Variants in ZNF277 observed in about 807,000 individuals in gnomAD.
ZNF277 encodes nuclear receptor-interacting factor 4.
ZNF277 carries 55 observed loss-of-function variants against 60.7 expected under a neutral mutation model. The observed-to-expected ratio is 0.91, with a 90% CI of 0.73 to 1.13. The LOEUF is 1.13. Ranked by LOEUF, ZNF277 falls within the 50% of genes most tolerant of loss-of-function variation. The probability of loss-of-function intolerance (pLI) is 0.00; values close to 1 mark genes in which losing one functional copy is unlikely to be tolerated. For synonymous variants in ZNF277, 178 were observed against 179.3 expected (o/e 0.99, Z 0.06); for missense variants, 510 against 523.0 (o/e 0.98, Z 0.24).
intron 1 of ZNF277, among the ~76,000 whole-genome samples, chr7:112,216,364 C>T (rs974932161): frequency 2.6e-5 from 4 of 152,128 alleles, no homozygotes; most frequent in Admixed American, 2.6e-4. Context: ...GGCTGGAGTG[C>T]AGTGGCATGA....
intron 1 of ZNF277, among the ~76,000 whole-genome samples, chr7:112,253,863 T>A (rs1012701300): frequency 6.6e-6 from 1 of 152,340 alleles, no homozygotes; most frequent in East Asian, 1.9e-4. Flanking sequence ...CAATGTGACT[T>A]TGCTTTATTT....
rs1299878472 is a variant in ZNF277, at chr7:112,290,160, AAC to A, written c.293+3090_293+3091del. ...TTCTTTTATTCCCTTTTATCATATA[AAC>A]ACAAATTTTCCTTCAGGAATTGCAG... On this transcript the variant is annotated intron_variant, in intron 2 of 11. Transcript: ENST00000361822. Among the ~76,000 whole-genome samples, 4 of 152,244 alleles carry A rather than the reference AAC, an allele frequency of 2.6e-5. No individual in the cohort carries two copies. The East Asian group carries it at 7.7e-4, about 29-fold the overall frequency.
chr7:112,235,289 G>A lies in ZNF277; in HGVS notation c.91+28482G>A, dbSNP rs541021645. Among the ~76,000 whole-genome samples the A allele has an allele frequency of 2.0e-5, 3 of 152,110 alleles. No homozygotes were observed. The Middle Eastern group carries it at 0.01, about 517-fold the overall frequency. ...TCACTTCTCTTGGATATATACCTAG[G>A]AGTAGAATTCCTATGGTCATATAGT... On this transcript the variant is annotated intron_variant, in intron 1 of 11. Coordinates refer to ENST00000361822, the MANE Select transcript of ZNF277 (RefSeq NM_021994.3).
Position 112,269,560 on chromosome 7 carries a change from A to G in ZNF277, c.92-17313A>G, listed in dbSNP as rs1791623733. On this transcript the variant is annotated intron_variant, in intron 1 of 11. Transcript: ENST00000361822. ...AACTTGAGGTAGAAACAGTTAAGAT[A>G]GCCAGTCATTTATCACAGTGGACAT... Among the ~76,000 whole-genome samples, 3 of 152,166 alleles carry G rather than the reference A, an allele frequency of 2.0e-5. No homozygotes were observed. In the South Asian group the frequency reaches 6.2e-4, roughly 31 times the overall value.
chr7:112,260,786 G>C (rs1262745463), intron 1 of ZNF277, among the ~76,000 whole-genome samples: 1 of 152,186 alleles, frequency 6.6e-6, no homozygotes, highest in East Asian at 1.9e-4. Flanking sequence ...GAGCACAGGT[G>C]ATAGAAATAG....
intron 2 of ZNF277, chr7:112,287,540 T>C (rs968814919): frequency 2.0e-5 from 3 of 151,944 alleles, no homozygotes; most frequent in African/African-American, 7.3e-5. Flanking sequence ...TTTTTTTTTT[T>C]TTTGAGATGG....
chr7:112,308,964 A>G lies in ZNF277; in HGVS notation c.466-9218A>G, dbSNP rs546988234. Among the ~76,000 whole-genome samples the G allele has an allele frequency of 1.6e-4, 24 of 152,186 alleles. No individual in the cohort carries two copies. In the South Asian group the frequency reaches 4.8e-3, roughly 30 times the overall value. On this transcript the variant is annotated intron_variant, in intron 4 of 11. Coordinates refer to ENST00000361822, the MANE Select transcript of ZNF277 (RefSeq NM_021994.3). ...TCTGGTAAAAAACTGGAGAGGACTT[A>G]GCAATATCTATTTGTTCAGATTCTT...
At chr7:112,261,568 G>A (rs138998237) in intron 1 of ZNF277, among the ~76,000 whole-genome samples, 195 of 151,834 alleles carry the variant, frequency 1.3e-3, no homozygotes, top group African/African-American at 4.4e-3. Context: ...CTCCTTTTTT[G>A]GTGTTAACTT....
intron 11 of ZNF277, among the ~76,000 whole-genome samples, chr7:112,342,220 A>T (rs1230675768): frequency 2.0e-5 from 3 of 152,116 alleles, no homozygotes; most frequent in African/African-American, 7.2e-5. Flanking sequence ...TCTACCCACT[A>T]CTGGGGTCAG....
chr7:112,314,961 G>C (rs182656711), intron 4 of ZNF277, among the ~76,000 whole-genome samples: 1 of 152,052 alleles, frequency 6.6e-6, no homozygotes, highest in Non-Finnish European at 1.5e-5. Flanking sequence ...GTGTAATTAC[G>C]TATTTGCAGA....
At chr7:112,267,758 GA>G (rs1280426613) in intron 1 of ZNF277, among the ~76,000 whole-genome samples, 2 of 152,090 alleles carry the variant, frequency 1.3e-5, no homozygotes, top group African/African-American at 4.8e-5. Context: ...GTCATGGAGG[GA>G]AAGAAAGTTT....
At chr7:112,302,980 AGTCT>A (rs1792512634) in intron 4 of ZNF277, among the ~76,000 whole-genome samples, 1 of 140,554 alleles carries the variant, frequency 7.1e-6, no homozygotes, top group South Asian at 2.2e-4. Context: ...ACAGAGTGTC[AGTCT>A]GTCACCCAGG....
chr7:112,335,906 G>A (rs1387379873), intron 7 of ZNF277, among the ~76,000 whole-genome samples, 198 bp from the exon 8 acceptor site: 1 of 152,130 alleles, frequency 6.6e-6, no homozygotes, highest in East Asian at 1.9e-4. Flanking sequence ...CTTTTGCACT[G>A]TCATTAAGTC....
At chr7:112,234,493 A>C (rs1423055375) in intron 1 of ZNF277, among the ~76,000 whole-genome samples, 1 of 152,124 alleles carries the variant, frequency 6.6e-6, no homozygotes, top group Non-Finnish European at 1.5e-5. Context: ...CATGACCTAA[A>C]TACCTCCCAA....
In ZNF277 at chr7:112,214,170, C is replaced by T. The variant is rs539402238; in HGVS notation, c.91+7363C>T. On this transcript the variant is annotated intron_variant, in intron 1 of 11. Transcript: ENST00000361822. ...GAATAGTGCTGCCCTTTACAATACA[C>T]ACTCATACACTTCCATCTGGAAAAA... 3.9e-5 allele frequency among the ~76,000 whole-genome samples: 6 copies of T among 152,292 alleles called. No individual in the cohort carries two copies. The East Asian group carries it at 9.6e-4, about 24-fold the overall frequency.
chr7:112,296,367 T>G, intron 4 of ZNF277, 56 bp downstream of exon 4: 1 of 823,224 alleles, frequency 1.2e-6, no homozygotes, highest in Non-Finnish European at 1.8e-6. Context: ...TAAATACATA[T>G]AAAATCATAT....
chr7:112,259,035 G>A (rs1020338744), intron 1 of ZNF277, among the ~76,000 whole-genome samples: 10 of 151,832 alleles, frequency 6.6e-5, no homozygotes, highest in African/African-American at 2.4e-4. Flanking sequence ...AATTGTTTTT[G>A]TACTTTTTGA....
In ZNF277 at chr7:112,343,219, A is replaced by C. The variant is rs1026238921; in HGVS notation, c.*490A>C. 1 of 152,300 alleles carries C rather than the reference A, an allele frequency of 6.6e-6. No homozygotes were observed. The highest frequency in any genetic ancestry group is 6.5e-5 in the Admixed American group (1 of 15,286). 9.4% of individuals were successfully genotyped at this position (152,300 alleles called of 1,614,324 possible). Reference sequence around the variant, plus strand: ...TAAAAGAAAAGCCACAGAAGAAAGAAGAAATGGTCAAAGACGTGGATAATA... The same window carrying C: ...TAAAAGAAAAGCCACAGAAGAAAGACGAAATGGTCAAAGACGTGGATAATA... On this transcript the variant is annotated 3_prime_UTR_variant, in exon 12 of 12. Transcript: ENST00000361822.
chr7:112,286,843 T>TTTTTTTTTTTTTTTTTTTTTTTTTG, intron 1 of ZNF277, 30 bp from the exon 2 acceptor site: 1 of 177,862 alleles, frequency 5.6e-6, no homozygotes. Flanking sequence ...CTTTCTTTCT[T>TTTTTTTTTTTTTTTTTTTTTTTTTG]TTTTTTTTTT....
Sources: allele counts gnomAD v4.1 joint callset (sites outside exome capture counted in the v4.1 genomes callset), GRCh38; gene constraint gnomAD v4.1.1; transcripts MANE v1.5; gene names NCBI Gene and HGNC (gene_info 2026-07-23, HGNC 2026-07-21).